The following ADAMTS16 variants were observed in gnomAD, a reference collection of about 807,000 sequenced individuals.
The protein encoded by ADAMTS16 is ADAM metallopeptidase with thrombospondin type 1 motif 16.
ADAMTS16 carries 94 observed loss-of-function variants against 145.8 expected under a neutral mutation model. The observed-to-expected ratio is 0.64, with a 90% confidence interval of 0.55 to 0.77. The LOEUF (loss-of-function observed/expected upper bound fraction) is 0.77, where lower values mean the gene tolerates loss of function less well. Among genes scored for constraint, ADAMTS16 ranks in the 30% least tolerant of loss-of-function variants. The pLI, the probability that ADAMTS16 is intolerant of heterozygous loss-of-function variation, is 0.00. For synonymous variants in ADAMTS16, 659 were observed against 604.3 expected (o/e 1.09, Z -1.33); for missense variants, 1,585 against 1,591.5 (o/e 1.00, Z 0.07).
At chr5:5,288,457 G>A (rs1309700971) in intron 18 of ADAMTS16, among the ~76,000 whole-genome samples, 3 of 152,144 alleles carry the variant, frequency 2.0e-5, no homozygotes, top group Non-Finnish European at 4.4e-5. Flanking sequence ...TAATGACTAA[G>A]GGAAACCTGT....
intron 8 of ADAMTS16, among the ~76,000 whole-genome samples, chr5:5,192,973 T>C (rs985978182): frequency 3.3e-5 from 5 of 152,230 alleles, no homozygotes; most frequent in Non-Finnish European, 7.3e-5. Context: ...AAATTTCTCC[T>C]AGAAAAATTT....
chr5:5,239,607 A>G (rs1363662073), intron 15 of ADAMTS16, 74 bp from the exon 16 acceptor site: 6 of 1,579,738 alleles, frequency 3.8e-6, no homozygotes, highest in East Asian at 2.2e-5. Context: ...TTTACCGAGG[A>G]CTGGGGTTGC....
At chr5:5,189,842 C>T (rs1735608570) in intron 6 of ADAMTS16, 129 bp from the exon 7 acceptor site, 1 of 1,143,084 alleles carries the variant, frequency 8.7e-7, no homozygotes, top group South Asian at 1.4e-5. Context: ...CACGCGTTAG[C>T]TTATATGCCA....
chr5:5,184,242 C>G (rs994829901), intron 4 of ADAMTS16, among the ~76,000 whole-genome samples: 3 of 151,914 alleles, frequency 2.0e-5, no homozygotes, highest in African/African-American at 7.3e-5. Flanking sequence ...GTCACCGATG[C>G]ATGGATGTAC....
intron 18 of ADAMTS16, among the ~76,000 whole-genome samples, chr5:5,288,932 G>A (rs1739200376): frequency 1.3e-5 from 2 of 152,190 alleles, no homozygotes; most frequent in Non-Finnish European, 2.9e-5. Context: ...TCTAGCCTCA[G>A]CTTCCTCGTT....
intron 18 of ADAMTS16, among the ~76,000 whole-genome samples, chr5:5,276,438 C>A (rs910908821): frequency 6.6e-6 from 1 of 152,066 alleles, no homozygotes; most frequent in African/African-American, 2.4e-5. Context: ...CTGTAACTTG[C>A]TAGATATCCA....
chr5:5,223,665 G>A (rs1454123502), intron 11 of ADAMTS16: 2 of 151,848 alleles, frequency 1.3e-5, no homozygotes, highest in Non-Finnish European at 2.9e-5. Context: ...AAATATACAA[G>A]ATAACAAGTT....
At chr5:5,200,803 C>A (rs1016222602) in intron 9 of ADAMTS16, among the ~76,000 whole-genome samples, 3 of 151,902 alleles carry the variant, frequency 2.0e-5, no homozygotes, top group Non-Finnish European at 2.9e-5. Flanking sequence ...TAACCTAGCT[C>A]TAATATTCTG....
At chr5:5,312,571 C>T (rs1740503456) in intron 21 of ADAMTS16, among the ~76,000 whole-genome samples, 1 of 151,752 alleles carries the variant, frequency 6.6e-6, no homozygotes, top group South Asian at 2.1e-4. Flanking sequence ...CCTCAGCCTT[C>T]CAAATAGCTG....
intron 9 of ADAMTS16, among the ~76,000 whole-genome samples, chr5:5,201,834 T>A (rs1338735705): frequency 6.6e-6 from 1 of 152,222 alleles, no homozygotes; most frequent in African/African-American, 2.4e-5. Context: ...CCCTATCCTA[T>A]TAGATCCTGT....
In ADAMTS16 at chr5:5,146,377, A is replaced by G. The variant is rs1311797109; in HGVS notation, c.423A>G (p.Pro141=). 1.2e-6 allele frequency: 2 copies of G among 1,614,060 alleles called. No individual in the cohort carries two copies. The highest frequency in any genetic ancestry group is 2.7e-5 in the African/African-American group (2 of 74,940). ...TGTKSVQTLP[P]EDFCFYQGSL... is the part of the protein sequence containing the mutation. ...CTAAGTCTGTGCAGACTTTACCGCC[A>G]GAGGACTTCTGTTTCTATCAAGGCT... The change falls in exon 3 of 23, where the codon CCA becomes CCG. Residue 141 remains proline (P), a synonymous_variant. Transcript: ENST00000274181.
At chr5:5,208,151 A>G (rs567910040) in intron 9 of ADAMTS16, among the ~76,000 whole-genome samples, 89 of 152,256 alleles carry the variant, frequency 5.8e-4, no homozygotes, top group African/African-American at 1.9e-3. Flanking sequence ...TCTGGGCTAT[A>G]TGTTGCTTTT....
chr5:5,273,670 C>T (rs541398566), intron 18 of ADAMTS16, among the ~76,000 whole-genome samples: 2 of 152,344 alleles, frequency 1.3e-5, no homozygotes, highest in Admixed American at 1.3e-4. Context: ...TGACACCTTA[C>T]TGTGTCTCCC....
chr5:5,197,987 T>C (rs9313104), intron 8 of ADAMTS16, among the ~76,000 whole-genome samples: 28,059 of 152,136 alleles, frequency 0.18, 2,690 homozygotes, highest in East Asian at 0.26. Context: ...CTCTCAGATG[T>C]TGATGCATCA....
intron 3 of ADAMTS16, among the ~76,000 whole-genome samples, chr5:5,169,666 G>A (rs1734995860): frequency 6.6e-6 from 1 of 152,172 alleles, no homozygotes. Flanking sequence ...TGCTCGCTAG[G>A]TGTCCTTGCT....
At chr5:5,261,285 A>C (rs997283392) in intron 17 of ADAMTS16, among the ~76,000 whole-genome samples, 3 of 151,796 alleles carry the variant, frequency 2.0e-5, no homozygotes, top group African/African-American at 7.3e-5. Flanking sequence ...CTACAGGTGC[A>C]TGCCGCCATG....
chr5:5,221,721 G>C (rs564597564), intron 10 of ADAMTS16, among the ~76,000 whole-genome samples: 1 of 152,242 alleles, frequency 6.6e-6, no homozygotes, highest in Non-Finnish European at 1.5e-5. Flanking sequence ...ACATGCAGGA[G>C]ATTTAAGAAC....
intron 3 of ADAMTS16, among the ~76,000 whole-genome samples, chr5:5,149,974 G>A (rs759771287): frequency 2.0e-5 from 3 of 152,086 alleles, no homozygotes; most frequent in Non-Finnish European, 2.9e-5. Flanking sequence ...TGGCTACTGC[G>A]AATAATGCTG....
chr5:5,219,222 T>C (rs1736523754), intron 10 of ADAMTS16, among the ~76,000 whole-genome samples: 1 of 152,152 alleles, frequency 6.6e-6, no homozygotes, highest in African/African-American at 2.4e-5. Context: ...TAAATGTTCA[T>C]CATTTATTTG....
Sources: gnomAD v4.1 joint callset for allele counts (sites outside exome capture counted in the v4.1 genomes callset) on GRCh38, gnomAD v4.1.1 for gene constraint, MANE v1.5 for transcripts, NCBI Gene and HGNC (gene_info 2026-07-23, HGNC 2026-07-21) for gene names.